Variants in PIP5KL1 observed in about 807,000 individuals in gnomAD.
The protein encoded by PIP5KL1 is phosphatidylinositol 4-phosphate 5-kinase-like protein 1.
In PIP5KL1, 45 loss-of-function variants were observed where a neutral mutation model predicts 47.6. The observed-to-expected ratio is 0.94, with a 90% CI of 0.74 to 1.21. The LOEUF is 1.21. Ranked by LOEUF, PIP5KL1 falls within the 50% of genes most tolerant of loss-of-function variation. The pLI is 0.00. For missense variants in PIP5KL1, 577 were observed against 547.6 expected, an observed-to-expected ratio of 1.05 and a Z score of -0.54; for synonymous variants, 256 against 234.6, an observed-to-expected ratio of 1.09 and a Z score of -0.84.
Position 127,928,049 on chromosome 9 carries a change from C to G in PIP5KL1, c.434+16G>C, listed in dbSNP as rs756962586. On this transcript the variant is annotated intron_variant, in intron 4 of 9. Coordinates refer to ENST00000388747, the MANE Select transcript of PIP5KL1 (RefSeq NM_001135219.2). ...GTACCACTCCCACCCCTGCCCCACC[C>G]CTGCCGCAAGCTCACGACAGGAAGA... 17 of 1,538,154 alleles carry G rather than the reference C, an allele frequency of 1.1e-5. No homozygotes were observed. Among genetic ancestry groups the G allele is most frequent in the Non-Finnish European group, 1.5e-5 (17 of 1,144,416 alleles).
In PIP5KL1 at chr9:127,930,742, G is replaced by C; in HGVS notation, c.11C>G (p.Pro4Arg). The C allele has an allele frequency of 6.4e-7, 1 of 1,561,008 alleles. No individual in the cohort carries two copies. The highest frequency in any genetic ancestry group is 8.6e-7 in the Non-Finnish European group (1 of 1,157,792). ...ACCTACCTCGCGGGGCCCCGGGCTC[G>C]GCGCAGCCATCGCCCCCGCAGCAGC... MAAPSPGPREVLAP... is the reference protein window; with the variant it reads MAARSPGPREVLAP... The change falls in exon 1 of 10, where the codon CCG becomes CGG. Residue 4 changes from proline (P) to arginine (R), a missense_variant. Transcript: ENST00000388747.
Position 127,922,694 on chromosome 9 carries a change from CAAAA to C in PIP5KL1, c.918-584_918-581del, listed in dbSNP as rs386416269. ...TGGGCAACAGAGCGAGACTCTGTCT[CAAAA>C]AAAAAAAAAAAAAGAAAAAAGAAAA... On this transcript the variant is annotated intron_variant, in intron 9 of 9. Coordinates refer to ENST00000388747, the MANE Select transcript of PIP5KL1 (RefSeq NM_001135219.2). Among the ~76,000 whole-genome samples the C allele has an allele frequency of 9.5e-4, 85 of 89,550 alleles. 1 individual carries two copies. In the East Asian group the frequency reaches 0.018, roughly 19 times the overall value. The allele number at this position is 89,550 out of a possible 152,430, so 58.7% of individuals were successfully genotyped here.
chr9:127,930,664 G>A (rs562278635), intron 1 of PIP5KL1, 59 bp downstream of exon 1: 12 of 1,477,344 alleles, frequency 8.1e-6, no homozygotes, highest in South Asian at 3.9e-5. Flanking sequence ...GCCGAGGGGA[G>A]GCCCGGCCCC....
chr9:127,930,735 C>T lies in PIP5KL1; in HGVS notation c.18G>A (p.Pro6=), dbSNP rs765589171. The T allele has an allele frequency of 7.0e-6, 11 of 1,566,308 alleles. No homozygotes were observed. In the South Asian group the frequency reaches 9.5e-5, roughly 13 times the overall value. MAAPS[P]GPREVLAPSP... ...GGTCCGCACCTACCTCGCGGGGCCCCGGGCTCGGCGCAGCCATCGCCCCCG... is the reference window on the plus strand; with the variant it reads ...GGTCCGCACCTACCTCGCGGGGCCCTGGGCTCGGCGCAGCCATCGCCCCCG... Residue 6 remains proline, a synonymous_variant, in exon 1 of 10, where the codon CCG becomes CCA. Coordinates refer to ENST00000388747, the MANE Select transcript of PIP5KL1 (RefSeq NM_001135219.2).
chr9:127,928,266 G>A (rs1156912967), intron 3 of PIP5KL1, 47 bp from the exon 4 acceptor site: 1 of 1,530,954 alleles, frequency 6.5e-7, no homozygotes, highest in South Asian at 1.2e-5. Context: ...GTGGGCCCGG[G>A]TGTGTGCAGT....
Position 127,921,878 on chromosome 9 carries a change from A to G in PIP5KL1, c.1154T>C (p.Leu385Pro), listed in dbSNP as rs1159581920. 1 of 1,574,484 alleles carries G rather than the reference A, an allele frequency of 6.4e-7. No homozygotes were observed. Among genetic ancestry groups the G allele is most frequent in the Admixed American group, 1.8e-5 (1 of 55,778 alleles). ...TVSPARYARR[L>P]CQWVEAHTE is the part of the protein sequence containing the mutation. ...CGTGTGCGCCTCCACCCACTGGCAGAGGCGACGGGCGTAGCGAGCCGGGCT... is the reference window on the plus strand; with the variant it reads ...CGTGTGCGCCTCCACCCACTGGCAGGGGCGACGGGCGTAGCGAGCCGGGCT... Residue 385 changes from leucine (L) to proline (P), a missense_variant, in exon 10 of 10, where the codon CTC becomes CCC. Transcript: ENST00000388747.
Position 127,927,367 on chromosome 9 carries a change from A to G in PIP5KL1, c.560-36T>C. ...AGAGGGCGCCGGATGAGGATCCCCAAACTCCACAACCCGGGGTGCATCCGG... is the reference window on the plus strand; with the variant it reads ...AGAGGGCGCCGGATGAGGATCCCCAGACTCCACAACCCGGGGTGCATCCGG... On this transcript the variant is annotated intron_variant, in intron 5 of 9. Transcript: ENST00000388747. The surrounding 1 kb of genome is among the most constrained non-coding windows in gnomAD (Gnocchi z 5.5). The G allele has an allele frequency of 2.5e-6, 4 of 1,588,938 alleles. No individual in the cohort carries two copies. Among genetic ancestry groups the G allele is most frequent in the South Asian group, 2.3e-5 (2 of 88,258 alleles).
At position 127,921,947 on chromosome 9, in the gene PIP5KL1, A is replaced by G; in HGVS notation, c.1085T>C (p.Leu362Pro). ...VYGLRKRLEH[L>P]WKTLRYPGRT... is the part of the protein sequence containing the mutation. ...GCCTGGGTAGCGCAGTGTCTTCCACAGGTGCTCCAGCCGCTTGCGGAGCCC... is the reference window on the plus strand; with the variant it reads ...GCCTGGGTAGCGCAGTGTCTTCCACGGGTGCTCCAGCCGCTTGCGGAGCCC... The change falls in exon 10 of 10, where the codon CTG (leucine) becomes CCG (proline). Residue 362 changes from leucine to proline, a missense_variant. Transcript: ENST00000388747. 1 of 1,577,426 alleles carries G rather than the reference A, an allele frequency of 6.3e-7. No homozygotes were observed. The highest frequency in any genetic ancestry group is 8.6e-7 in the Non-Finnish European group (1 of 1,163,008).
Position 127,927,392 on chromosome 9 carries a change from G to A in PIP5KL1, c.560-61C>T, listed in dbSNP as rs959488815. On this transcript the variant is annotated intron_variant, in intron 5 of 9. Coordinates refer to ENST00000388747, the MANE Select transcript of PIP5KL1 (RefSeq NM_001135219.2). The surrounding 1 kb of genome is among the most constrained non-coding windows in gnomAD (Gnocchi z 5.5). ...AACTCCACAACCCGGGGTGCATCCG[G>A]CGCCAATCCCAGCGCCAGGCCACGC... 1.0e-5 allele frequency: 16 copies of A among 1,549,110 alleles called. No individual in the cohort carries two copies. In the African/African-American group the frequency reaches 2.0e-4, roughly 20 times the overall value.
rs1328436766 is a variant in PIP5KL1, at chr9:127,925,990, G to T, written c.651-11C>A. On this transcript the variant is annotated splice_polypyrimidine_tract_variant and intron_variant, in intron 7 of 9. Coordinates refer to ENST00000388747, the MANE Select transcript of PIP5KL1 (RefSeq NM_001135219.2). ...CCTTTGATGTCATACCTGGGTGGGG[G>T]GACAGAATTCAGCTTTACATAGATT... The T allele has an allele frequency of 3.1e-6, 5 of 1,593,474 alleles. No homozygotes were observed. The highest frequency in any genetic ancestry group is 1.7e-4 in the Middle Eastern group (1 of 6,028).
At chr9:127,930,293 G>A (rs1831418382) in intron 1 of PIP5KL1, among the ~76,000 whole-genome samples, 1 of 152,318 alleles carries the variant, frequency 6.6e-6, no homozygotes, top group East Asian at 1.9e-4. Context: ...TTGCACGGGA[G>A]CCCTTGATAG....
At position 127,922,042 on chromosome 9, in the gene PIP5KL1, G is replaced by C; in HGVS notation, c.990C>G (p.Asn330Lys). The change falls in exon 10 of 10, where the codon AAC becomes AAG. Residue 330 changes from asparagine to lysine, a missense_variant. Physicochemically the swap from Asn to Lys is moderately conservative, Grantham distance 94 (BLOSUM62 0). Coordinates refer to ENST00000388747, the MANE Select transcript of PIP5KL1 (RefSeq NM_001135219.2). ...CGGGCCCGTCCAGGATGTGTAGGGC[G>C]TTGGGGGCGTCGGGCAGCAGCCGGC... ...QNRRLLPDAP[N>K]ALHILDGPEQ... 1 of 1,569,256 alleles carries C rather than the reference G, an allele frequency of 6.4e-7. No individual in the cohort carries two copies. Among genetic ancestry groups the C allele is most frequent in the African/African-American group, 1.4e-5 (1 of 73,730 alleles).
Position 127,929,575 on chromosome 9 carries a change from C to T in PIP5KL1, c.228+113G>A, listed in dbSNP as rs2131641996. 2 of 1,134,390 alleles carry T rather than the reference C, an allele frequency of 1.8e-6. No homozygotes were observed. Among genetic ancestry groups the T allele is most frequent in the Non-Finnish European group, 1.2e-6 (1 of 814,328 alleles). The allele number at this position is 1,134,390 out of a possible 1,614,324, so 70.3% of individuals were successfully genotyped here. The stretch of plus-strand genomic sequence containing the variant: ...ACAATGTTCCTCCCTCTCTGCCTTC[C>T]TCCCCTTGATATCCCTCTCTGATCC... On this transcript the variant is annotated intron_variant, in intron 2 of 9. Transcript: ENST00000388747. The surrounding 1 kb of genome is among the most constrained non-coding windows in gnomAD (Gnocchi z 4.0).
At position 127,925,752 on chromosome 9, in the gene PIP5KL1, C is replaced by T. The variant is rs778465072; in HGVS notation, c.763+115G>A. ...GTGCTGGAATTACAGGCGTGAGCCA[C>T]GGCGCCCGGCCGAATCTGGGCTCTT... On this transcript the variant is annotated intron_variant, in intron 8 of 9. Coordinates refer to ENST00000388747, the MANE Select transcript of PIP5KL1 (RefSeq NM_001135219.2). 53 of 902,852 alleles carry T rather than the reference C, an allele frequency of 5.9e-5. 1 individual carries two copies. Among genetic ancestry groups the T allele is most frequent in the Non-Finnish European group, 7.2e-5 (40 of 558,218 alleles). 55.9% of individuals were successfully genotyped at this position (902,852 alleles called of 1,614,324 possible).
In PIP5KL1 at chr9:127,921,782, C is replaced by T. The variant is rs1831283987; in HGVS notation, c.*65G>A. ...GAAGCGCAGGCGAGATGCCCGGGCC[C>T]GGGGGAACCGGCGTTCCTGGCGTGA... On this transcript the variant is annotated 3_prime_UTR_variant, in exon 10 of 10. Transcript: ENST00000388747. 2 of 1,495,390 alleles carry T rather than the reference C, an allele frequency of 1.3e-6. No individual in the cohort carries two copies. Among genetic ancestry groups the T allele is most frequent in the Non-Finnish European group, 1.8e-6 (2 of 1,123,142 alleles). The allele number at this position is 1,495,390 out of a possible 1,614,324, so 92.6% of individuals were successfully genotyped here.
At position 127,927,216 on chromosome 9, in the gene PIP5KL1, C is replaced by G. The variant is rs762200437; in HGVS notation, c.595-8G>C. On this transcript the variant is annotated splice_region_variant and splice_polypyrimidine_tract_variant and intron_variant, in intron 6 of 9. Transcript: ENST00000388747. This position sits in a 1 kb window ranked among gnomAD's most constrained non-coding sequence, Gnocchi z 5.5. ...CATGACGATGAAGTACGTCTGGGGG[C>G]CGGGACAGGGAGTGAGGGAGGCCGG... 1 of 1,613,042 alleles carries G rather than the reference C, an allele frequency of 6.2e-7. No individual in the cohort carries two copies. The highest frequency in any genetic ancestry group is 1.1e-5 in the South Asian group (1 of 90,962).
chr9:127,926,512 C>A (rs910025449), intron 7 of PIP5KL1, among the ~76,000 whole-genome samples: 1 of 152,240 alleles, frequency 6.6e-6, no homozygotes, highest in African/African-American at 2.4e-5. Context: ...CTGCCTTGGC[C>A]TCCAAAAGTG....
intron 9 of PIP5KL1, among the ~76,000 whole-genome samples, chr9:127,922,694 C>CAA (rs386416269): frequency 0.2 from 17,746 of 89,376 alleles, 2,824 homozygotes; most frequent in African/African-American, 0.4. Flanking sequence ...GACTCTGTCT[C>CAA]AAAAAAAAAA....
intron 3 of PIP5KL1, 98 bp from the exon 4 acceptor site, chr9:127,928,317 T>A: frequency 6.5e-7 from 1 of 1,538,726 alleles, no homozygotes; most frequent in Non-Finnish European, 8.8e-7. Flanking sequence ...ACACCCTTCC[T>A]GCAAGGCTCA....
Sources: allele counts gnomAD v4.1 joint callset (sites outside exome capture counted in the v4.1 genomes callset), GRCh38; gene constraint gnomAD v4.1.1; non-coding constraint Gnocchi (gnomAD v3.1); transcripts MANE v1.5; gene names NCBI Gene and HGNC (gene_info 2026-07-23, HGNC 2026-07-21).